Variants in OPTN observed in about 807,000 individuals in gnomAD.
The protein encoded by OPTN is optineurin.
Under a neutral mutation model 70.4 loss-of-function variants are expected in OPTN, and 54 were observed. The ratio of observed to expected loss-of-function variants is 0.77; its 90% confidence interval spans 0.62 to 0.96. OPTN has a LOEUF of 0.96. OPTN is among the 40% of genes least tolerant of loss of function. The pLI is 0.00. For missense variants in OPTN, 624 were observed against 673.2 expected (o/e 0.93, Z 0.81); for synonymous variants, 256 against 248.5 (o/e 1.03, Z -0.28).
chr10:13,125,261 C>A (rs1318480673), intron 9 of OPTN, among the ~76,000 whole-genome samples, 157 bp from the exon 10 acceptor site: 4 of 152,090 alleles, frequency 2.6e-5, no homozygotes, highest in Non-Finnish European at 5.9e-5. Flanking sequence ...ATGGCCAGGT[C>A]TAGTGAAGAA....
chr10:13,128,774 C>T (rs920790214), intron 12 of OPTN, among the ~76,000 whole-genome samples: 5 of 151,852 alleles, frequency 3.3e-5, no homozygotes, highest in African/African-American at 1.2e-4. Context: ...AACTCCTGAC[C>T]TCAGGTGATC....
At chr10:13,123,877 T>C (rs2131513509) in intron 8 of OPTN, 118 bp from the exon 9 acceptor site, 1 of 729,750 alleles carries the variant, frequency 1.4e-6, no homozygotes, top group South Asian at 1.5e-5. Flanking sequence ...CAAAGTTGGA[T>C]TGATTCACCA....
At chr10:13,133,710 T>C (rs977228689) in intron 14 of OPTN, 129 bp downstream of exon 14, 73 of 782,398 alleles carry the variant, frequency 9.3e-5, no homozygotes, top group Admixed American at 2.0e-4. Context: ...CACCCGTCAG[T>C]CTCATTACCA....
At chr10:13,104,390 C>T (rs937332184) in intron 1 of OPTN, among the ~76,000 whole-genome samples, 1 of 148,422 alleles carries the variant, frequency 6.7e-6, no homozygotes, top group African/African-American at 2.5e-5. Flanking sequence ...TCCCGAGTAG[C>T]TGGGACTACA....
intron 1 of OPTN, among the ~76,000 whole-genome samples, chr10:13,101,452 C>T (rs1025137403): frequency 8.1e-6 from 1 of 123,204 alleles, no homozygotes; most frequent in African/African-American, 3.1e-5. Context: ...GGCAACTGGA[C>T]ACTGTATTAT....
At chr10:13,111,557 G>C (rs1832998074) in intron 4 of OPTN, among the ~76,000 whole-genome samples, 1 of 151,934 alleles carries the variant, frequency 6.6e-6, no homozygotes, top group Non-Finnish European at 1.5e-5. Flanking sequence ...AATTAGCCAG[G>C]CATGGTAGTG....
intron 7 of OPTN, among the ~76,000 whole-genome samples, chr10:13,121,571 C>A (rs1484649976): frequency 6.8e-6 from 1 of 146,178 alleles, no homozygotes; most frequent in African/African-American, 2.5e-5. Flanking sequence ...TGTCTTGTTC[C>A]TAATCTTAGG....
intron 4 of OPTN, among the ~76,000 whole-genome samples, chr10:13,110,981 G>A (rs1009999194): frequency 6.6e-6 from 1 of 152,208 alleles, no homozygotes; most frequent in Admixed American, 6.5e-5. Context: ...CAGATGAAAA[G>A]AGAAAGAGAC....
chr10:13,105,887 C>A (rs1017105369), intron 1 of OPTN, among the ~76,000 whole-genome samples: 6 of 149,020 alleles, frequency 4.0e-5, no homozygotes, highest in Non-Finnish European at 7.4e-5. Flanking sequence ...CCAGCCTGGG[C>A]GACAAAGTGA....
At chr10:13,122,616 CTA>C (rs1295366851) in intron 8 of OPTN, 129 bp downstream of exon 8, 4 of 727,188 alleles carry the variant, frequency 5.5e-6, no homozygotes, top group Admixed American at 2.0e-5. Flanking sequence ...TGAATATTAT[CTA>C]TCTATTCCTT....
intron 5 of OPTN, among the ~76,000 whole-genome samples, chr10:13,114,470 G>T (rs1317031408): frequency 3.3e-5 from 5 of 151,876 alleles, no homozygotes; most frequent in South Asian, 2.1e-4. Context: ...TCCAGATGAA[G>T]CTTCTTCCTT....
chr10:13,127,652 T>C, intron 11 of OPTN, 93 bp from the exon 12 acceptor site: 1 of 1,376,042 alleles, frequency 7.3e-7, no homozygotes, highest in Non-Finnish European at 1.0e-6. Context: ...CGGCCAGAGC[T>C]GATAATTAAA....
chr10:13,120,476 C>A (rs1192710931), intron 7 of OPTN, among the ~76,000 whole-genome samples: 2 of 151,278 alleles, frequency 1.3e-5, no homozygotes, highest in Admixed American at 6.6e-5. Flanking sequence ...CTATGTTTTT[C>A]TCCTAAGAAT....
At chr10:13,127,508 T>G (rs1313530926) in intron 11 of OPTN, among the ~76,000 whole-genome samples, 1 of 152,098 alleles carries the variant, frequency 6.6e-6, no homozygotes, top group African/African-American at 2.4e-5. Context: ...TAAGTTAGCG[T>G]TGCTGATTAA....
intron 13 of OPTN, among the ~76,000 whole-genome samples, chr10:13,132,642 G>C (rs995528278): frequency 4.2e-4 from 64 of 152,064 alleles, no homozygotes; most frequent in Non-Finnish European, 2.5e-4. Context: ...TCAGCCTCCC[G>C]AGTAGCTGGA....
intron 1 of OPTN, among the ~76,000 whole-genome samples, chr10:13,103,527 A>C (rs191782397): frequency 6.6e-6 from 1 of 152,324 alleles, no homozygotes; most frequent in Non-Finnish European, 1.5e-5. Context: ...GTGCCTGCTA[A>C]GGTCACTGCA....
At position 13,110,335 on chromosome 10, in the gene OPTN, A is replaced by G. The variant is rs750952641; in HGVS notation, c.228A>G (p.Thr76=). The change falls in exon 4 of 15, where the codon ACA becomes ACG. Residue 76 remains threonine (T), a synonymous_variant. Transcript: ENST00000378747. ...GATTTGAGGAGCTTTCGGCCTGGAC[A>G]GAGAAACAGAAGGAAGAACGCCAGT... ...KGRFEELSAW[T]EKQKEERQFF... 3.1e-6 allele frequency: 5 copies of G among 1,614,090 alleles called. No homozygotes were observed. In the African/African-American group the frequency reaches 6.7e-5, roughly 22 times the overall value.
chr10:13,109,853 A>AAAAAAAAAG (rs1554768326), intron 3 of OPTN, among the ~76,000 whole-genome samples: 2 of 139,268 alleles, frequency 1.4e-5, no homozygotes, highest in African/African-American at 2.6e-5. Context: ...AAAAAAAAAA[A>AAAAAAAAAG]GGAAAAAGGA....
intron 4 of OPTN, among the ~76,000 whole-genome samples, chr10:13,111,088 A>G (rs1832985143): frequency 6.6e-6 from 1 of 152,176 alleles, no homozygotes; most frequent in African/African-American, 2.4e-5. Flanking sequence ...ACAAGTTTGA[A>G]ATCCCCACTG....
Sources: gnomAD v4.1 joint callset for allele counts (sites outside exome capture counted in the v4.1 genomes callset) on GRCh38, gnomAD v4.1.1 for gene constraint, MANE v1.5 for transcripts, NCBI Gene and HGNC (gene_info 2026-07-23, HGNC 2026-07-21) for gene names.